IQCM: variants seen among roughly 807,000 people sequenced by gnomAD.
IQCM encodes IQ motif containing M.
Under a neutral mutation model 57.6 loss-of-function variants are expected in IQCM, and 45 were observed. That is an observed-to-expected ratio of 0.78 (90% CI 0.62 to 1.00). The LOEUF is 1.00. Ranked by LOEUF, IQCM falls within the 50% of genes least tolerant of loss-of-function variation. The pLI is 0.00. For synonymous variants in IQCM, 148 were observed against 158.9 expected (o/e 0.93, Z 0.51); for missense variants, 468 against 511.6 (o/e 0.91, Z 0.82).
chr4:149,541,634 A>G (rs34126891), intron 12 of IQCM, among the ~76,000 whole-genome samples: 2 of 152,032 alleles, frequency 1.3e-5, no homozygotes, highest in African/African-American at 2.4e-5. Flanking sequence ...TCATGTTTGC[A>G]TATTCTGCAG....
intron 12 of IQCM, among the ~76,000 whole-genome samples, chr4:149,480,910 C>G (rs1740708663): frequency 6.6e-6 from 1 of 152,080 alleles, no homozygotes; most frequent in Non-Finnish European, 1.5e-5. Flanking sequence ...CTCATCCTTG[C>G]TAGTGTTTGT....
chr4:149,351,972 A>G lies in IQCM; in HGVS notation c.1485T>C (p.Tyr495=), dbSNP rs1050595551. ...SIRERKMRQH[Y]KSCKVE ...AACATCATTCAACTTTACATGACTT[A>G]TAATGTTGTCTCATTTTCCTTTCTC... The change falls in exon 14 of 14, where the codon TAT becomes TAC. Residue 495 remains tyrosine (Y), a synonymous_variant. Coordinates refer to ENST00000636793, the MANE Select transcript of IQCM (RefSeq NM_001363507.2). 10 of 398,832 alleles carry G rather than the reference A, an allele frequency of 2.5e-5. No homozygotes were observed. The highest frequency in any genetic ancestry group is 1.2e-3 in the Middle Eastern group (2 of 1,610). 24.7% of individuals were successfully genotyped at this position (398,832 alleles called of 1,614,324 possible).
intron 2 of IQCM, among the ~76,000 whole-genome samples, chr4:149,814,648 T>C (rs537680348): frequency 5.3e-5 from 8 of 152,010 alleles, no homozygotes; most frequent in Non-Finnish European, 1.0e-4. Context: ...AAAACCACTA[T>C]TCACCTCTGT....
At chr4:149,746,010 A>G (rs1325638841) in intron 2 of IQCM, among the ~76,000 whole-genome samples, 1 of 151,230 alleles carries the variant, frequency 6.6e-6, no homozygotes, top group Non-Finnish European at 1.5e-5. Flanking sequence ...AGGCTTTATC[A>G]TGGCTCTTAT....
At chr4:149,468,260 T>C (rs1048069377) in intron 12 of IQCM, among the ~76,000 whole-genome samples, 2 of 151,968 alleles carry the variant, frequency 1.3e-5, no homozygotes, top group Non-Finnish European at 2.9e-5. Context: ...ACCTGGAAAA[T>C]CAGGACACGC....
chr4:149,663,995 A>C (rs539901869), intron 7 of IQCM, among the ~76,000 whole-genome samples: 1 of 152,198 alleles, frequency 6.6e-6, no homozygotes, highest in South Asian at 2.1e-4. Flanking sequence ...TAAGTCCCAT[A>C]GGCTTTCTTC....
chr4:149,615,261 G>A (rs1316565711), intron 8 of IQCM, among the ~76,000 whole-genome samples: 1 of 151,950 alleles, frequency 6.6e-6, no homozygotes, highest in Admixed American at 6.6e-5. Flanking sequence ...AGTTGGAGAT[G>A]GTGATCTTTC....
intron 13 of IQCM, among the ~76,000 whole-genome samples, chr4:149,382,357 C>T (rs969265312): frequency 1.3e-5 from 2 of 152,130 alleles, no homozygotes; most frequent in Non-Finnish European, 2.9e-5. Flanking sequence ...CAACTCTTTG[C>T]TCTGCTTTGT....
intron 2 of IQCM, among the ~76,000 whole-genome samples, chr4:149,809,699 T>G (rs1774384886): frequency 6.6e-6 from 1 of 152,174 alleles, no homozygotes; most frequent in Non-Finnish European, 1.5e-5. Context: ...TGTGCTCTGG[T>G]CCACATCTAA....
chr4:149,561,454 C>A (rs577172688), intron 10 of IQCM, among the ~76,000 whole-genome samples: 38 of 152,240 alleles, frequency 2.5e-4, no homozygotes, highest in African/African-American at 8.9e-4. Context: ...TAAACTTCTA[C>A]AATTATATCA....
chr4:149,417,548 C>G (rs758038526), intron 13 of IQCM, among the ~76,000 whole-genome samples: 1 of 152,142 alleles, frequency 6.6e-6, no homozygotes, highest in South Asian at 2.1e-4. Context: ...ATTTAATAAT[C>G]TTCTAATGTG....
intron 2 of IQCM, among the ~76,000 whole-genome samples, chr4:149,812,045 C>T (rs1774611948): frequency 1.3e-5 from 2 of 152,192 alleles, no homozygotes; most frequent in Admixed American, 1.3e-4. Context: ...CCATTCCTAA[C>T]TAGGAGAATA....
At position 149,464,655 on chromosome 4, in the gene IQCM, G is replaced by C. The variant is rs993514984; in HGVS notation, c.1229-31098C>G. ...CCTTTTGACCTTTTGAGATCACCTTGCTTGACCTAGGGGATCTACATTATC... is the reference window on the plus strand; with the variant it reads ...CCTTTTGACCTTTTGAGATCACCTTCCTTGACCTAGGGGATCTACATTATC... On this transcript the variant is annotated intron_variant, in intron 12 of 13. Transcript: ENST00000636793. Among the ~76,000 whole-genome samples, 3 of 151,942 alleles carry C rather than the reference G, an allele frequency of 2.0e-5. No homozygotes were observed. The East Asian group carries it at 5.8e-4, about 29-fold the overall frequency.
chr4:149,634,173 C>A (rs1335824885), intron 7 of IQCM, among the ~76,000 whole-genome samples: 5 of 152,032 alleles, frequency 3.3e-5, no homozygotes, highest in Admixed American at 3.3e-4. Context: ...CCACACCTGG[C>A]TAATTTTTGT....
intron 5 of IQCM, among the ~76,000 whole-genome samples, chr4:149,713,073 C>T (rs1764697018): frequency 6.6e-6 from 1 of 152,070 alleles, no homozygotes; most frequent in Non-Finnish European, 1.5e-5. Context: ...CTACTGAAGT[C>T]CTACTAAAAC....
At chr4:149,718,940 A>C (rs1268358958) in intron 5 of IQCM, among the ~76,000 whole-genome samples, 1 of 152,200 alleles carries the variant, frequency 6.6e-6, no homozygotes, top group African/African-American at 2.4e-5. Flanking sequence ...CTTTTTCCCA[A>C]ATAAAACATT....
intron 9 of IQCM, among the ~76,000 whole-genome samples, chr4:149,572,590 C>A (rs1248610533): frequency 6.6e-6 from 1 of 151,944 alleles, no homozygotes; most frequent in Non-Finnish European, 1.5e-5. Flanking sequence ...TCCCATATTT[C>A]ATCTGCATTA....
chr4:149,406,279 A>G (rs1169447636), intron 13 of IQCM, among the ~76,000 whole-genome samples: 1 of 152,132 alleles, frequency 6.6e-6, no homozygotes, highest in Non-Finnish European at 1.5e-5. Flanking sequence ...TGATATGGTG[A>G]CAAATGCTAG....
intron 5 of IQCM, among the ~76,000 whole-genome samples, chr4:149,725,769 C>T (rs889525659): frequency 6.6e-6 from 1 of 152,104 alleles, no homozygotes; most frequent in Non-Finnish European, 1.5e-5. Context: ...TTACTGCTGA[C>T]CTCAATCTCC....
Sources: gnomAD v4.1 joint callset for allele counts (sites outside exome capture counted in the v4.1 genomes callset) on GRCh38, gnomAD v4.1.1 for gene constraint, MANE v1.5 for transcripts, NCBI Gene and HGNC (gene_info 2026-07-23, HGNC 2026-07-21) for gene names.